The following PDE4D variants were observed in gnomAD, a reference collection of about 807,000 sequenced individuals.
The protein encoded by PDE4D is phosphodiesterase 4D.
Under a neutral mutation model 87.4 loss-of-function variants are expected in PDE4D, and 24 were observed. The observed-to-expected ratio is 0.27, with a 90% CI of 0.20 to 0.39. The LOEUF is 0.39. Among genes scored for constraint, PDE4D ranks in the 10% least tolerant of loss-of-function variants. The pLI is 1.00. For synonymous variants in PDE4D, 384 were observed against 383.2 expected (o/e 1.00, Z -0.02); for missense variants, 714 against 1,041.0 (o/e 0.69, Z 4.32).
At chr5:59,703,456 C>T (rs1312766770) in intron 1 of PDE4D, 1 of 443,072 alleles carries the variant, frequency 2.3e-6, no homozygotes, top group Non-Finnish European at 4.6e-6. Flanking sequence ...ACCAAAAGAA[C>T]AGATAATACA....
chr5:59,818,765 T>TAGGTC (rs1162552776), intron 1 of PDE4D, among the ~76,000 whole-genome samples: 3 of 151,970 alleles, frequency 2.0e-5, no homozygotes, highest in African/African-American at 7.3e-5. Flanking sequence ...TCACTCCATG[T>TAGGTC]AGGTCAGACT....
chr5:60,257,220 AAGAGAAAGAAAG>A (rs962336620), intron 1 of PDE4D, among the ~76,000 whole-genome samples: 5 of 74,424 alleles, frequency 6.7e-5, no homozygotes, highest in African/African-American at 3.0e-4. Context: ...GAAAGAAAGA[AAGAGAAAGAAAG>A]AAAGAAAGAA....
intron 3 of PDE4D, among the ~76,000 whole-genome samples, chr5:59,964,787 C>A (rs1281987791): frequency 6.6e-6 from 1 of 152,080 alleles, no homozygotes; most frequent in Non-Finnish European, 1.5e-5. Flanking sequence ...TTTAAAAAGG[C>A]AAATTTGATT....
At chr5:59,775,506 A>G (rs950136446) in intron 1 of PDE4D, among the ~76,000 whole-genome samples, 2 of 133,786 alleles carry the variant, frequency 1.5e-5, no homozygotes, top group Non-Finnish European at 3.0e-5. Flanking sequence ...CTGACATACA[A>G]AAAAAAAATT....
At chr5:60,368,155 C>A (rs553158350) in intron 1 of PDE4D, among the ~76,000 whole-genome samples, 1 of 152,134 alleles carries the variant, frequency 6.6e-6, no homozygotes, top group Non-Finnish European at 1.5e-5. Context: ...AAAATAACAA[C>A]GATAAGTTTT....
At chr5:59,865,102 C>G (rs1195855453) in intron 1 of PDE4D, among the ~76,000 whole-genome samples, 1 of 152,170 alleles carries the variant, frequency 6.6e-6, no homozygotes. Context: ...GCCTAGTATT[C>G]TCTACATTTC....
chr5:60,485,828 G>A (rs1749093375), intron 1 of PDE4D, among the ~76,000 whole-genome samples: 1 of 152,078 alleles, frequency 6.6e-6, no homozygotes, highest in Non-Finnish European at 1.5e-5. Flanking sequence ...ATATGACTCT[G>A]GCATCTCAGG....
At chr5:59,084,517 T>C (rs1044610311) in intron 5 of PDE4D, among the ~76,000 whole-genome samples, 13 of 103,242 alleles carry the variant, frequency 1.3e-4, no homozygotes, top group African/African-American at 4.6e-4. Flanking sequence ...AAAATAGAAA[T>C]GAATAAATGG....
At chr5:59,574,673 C>A (rs1822832940) in intron 1 of PDE4D, among the ~76,000 whole-genome samples, 1 of 152,110 alleles carries the variant, frequency 6.6e-6, no homozygotes, top group South Asian at 2.1e-4. Context: ...CCTCTTCCTA[C>A]CCACTCTTCA....
chr5:60,154,618 C>T (rs374463713), intron 2 of PDE4D, among the ~76,000 whole-genome samples: 2 of 152,128 alleles, frequency 1.3e-5, no homozygotes, highest in African/African-American at 4.8e-5. Flanking sequence ...AAAAATTGCA[C>T]GTAAGTGTAA....
At chr5:59,022,276 C>T (rs547832194) in intron 6 of PDE4D, among the ~76,000 whole-genome samples, 1 of 152,276 alleles carries the variant, frequency 6.6e-6, no homozygotes. Context: ...CAGCAACGGG[C>T]ATTGGTCAGT....
chr5:59,184,219 A>G (rs1742360967), intron 4 of PDE4D, among the ~76,000 whole-genome samples: 2 of 152,196 alleles, frequency 1.3e-5, no homozygotes, highest in Admixed American at 1.3e-4. Context: ...ACAGAACCTA[A>G]TGGGTTCCAT....
intron 5 of PDE4D, among the ~76,000 whole-genome samples, chr5:59,117,115 G>A (rs114908624): frequency 0.015 from 2,294 of 152,220 alleles, 66 homozygotes; most frequent in African/African-American, 0.05. Context: ...TGGCTTCACA[G>A]TGGCTTTACC....
chr5:59,370,804 G>C (rs374289221), intron 1 of PDE4D, among the ~76,000 whole-genome samples: 1 of 152,114 alleles, frequency 6.6e-6, no homozygotes, highest in East Asian at 1.9e-4. Context: ...TGTTCTGAGA[G>C]CCATATGAGA....
At chr5:59,216,236 A>G (rs1751232156) in intron 1 of PDE4D, among the ~76,000 whole-genome samples, 1 of 152,206 alleles carries the variant, frequency 6.6e-6, no homozygotes, top group South Asian at 2.1e-4. Flanking sequence ...AAAGGGAAAC[A>G]CTCTGCAAAA....
At chr5:59,727,765 T>C (rs571283243) in intron 1 of PDE4D, among the ~76,000 whole-genome samples, 15 of 152,174 alleles carry the variant, frequency 9.9e-5, no homozygotes, top group African/African-American at 3.4e-4. Context: ...ATAAGACCCA[T>C]TGATAGAGTT....
chr5:59,186,379 G>T (rs145735326), intron 3 of PDE4D, among the ~76,000 whole-genome samples: 1 of 152,252 alleles, frequency 6.6e-6, no homozygotes, highest in African/African-American at 2.4e-5. Context: ...ACAGTGCCTG[G>T]CAAATAGAAA....
At chr5:60,121,402 A>G (rs1212303957) in intron 2 of PDE4D, among the ~76,000 whole-genome samples, 1 of 152,122 alleles carries the variant, frequency 6.6e-6, no homozygotes, top group Non-Finnish European at 1.5e-5. Context: ...ATAAAGACAT[A>G]CCCAAGACTG....
chr5:59,081,356 C>T (rs1271204558), intron 5 of PDE4D, among the ~76,000 whole-genome samples: 4 of 151,936 alleles, frequency 2.6e-5, no homozygotes, highest in Admixed American at 2.6e-4. Context: ...GAAGTAATAA[C>T]TTCCTGTTGT....
Sources: allele counts gnomAD v4.1 joint callset (sites outside exome capture counted in the v4.1 genomes callset), GRCh38; gene constraint gnomAD v4.1.1; transcripts MANE v1.5; gene names NCBI Gene and HGNC (gene_info 2026-07-23, HGNC 2026-07-21).